UNC80: variants seen among roughly 807,000 people sequenced by gnomAD.
UNC80 encodes unc-80 subunit of NALCN channel complex.
A neutral mutation model predicts 384.6 loss-of-function variants in UNC80; 164 were observed. The observed-to-expected ratio is 0.43, with a 90% CI of 0.38 to 0.49. UNC80 has a LOEUF of 0.49. Ranked by LOEUF, UNC80 falls within the 20% of genes least tolerant of loss-of-function variation. UNC80 has a pLI of 0.00. For synonymous variants in UNC80, 1,486 were observed against 1,527.8 expected, an observed-to-expected ratio of 0.97 and a Z score of 0.64; for missense variants, 3,330 against 4,143.0, an observed-to-expected ratio of 0.80 and a Z score of 5.39.
intron 26 of UNC80, among the ~76,000 whole-genome samples, chr2:209,892,368 A>G (rs1559277659): frequency 3.3e-5 from 5 of 152,182 alleles, no homozygotes; most frequent in Non-Finnish European, 4.4e-5. Flanking sequence ...TGTCATGGAG[A>G]TAAAGGCTAA....
At chr2:209,928,895 T>C (rs1372311828) in intron 36 of UNC80, among the ~76,000 whole-genome samples, 1 of 152,178 alleles carries the variant, frequency 6.6e-6, no homozygotes, top group Non-Finnish European at 1.5e-5. Context: ...GATCAACTTA[T>C]TTAGCTTCTA....
rs1339392126 is a variant in UNC80 at position 209,903,495 on chromosome 2, T to TAC, written c.4582-1270_4582-1269insAC. Among the ~76,000 whole-genome samples the TAC allele has an allele frequency of 9.6e-3, 23 of 2,390 alleles. No homozygotes were observed. In the South Asian group the frequency reaches 0.16, roughly 16 times the overall value. The allele number at this position is 2,390 out of a possible 152,430, so 1.6% of individuals were successfully genotyped here. ...ATATAGTATATATGTAATATATATATTATATATAGTATATATGTAATATAT... is the reference window on the plus strand; with the variant it reads ...ATATAGTATATATGTAATATATATATACTATATATAGTATATATGTAATATAT... On this transcript the variant is annotated intron_variant, in intron 28 of 64. Coordinates refer to ENST00000673920, the MANE Select transcript of UNC80 (RefSeq NM_001371986.1).
rs567433367 is a variant in UNC80, at chr2:209,813,322, C to T, written c.939-258C>T. Among the ~76,000 whole-genome samples the T allele has an allele frequency of 3.3e-5, 5 of 152,306 alleles. No individual in the cohort carries two copies. The South Asian group carries it at 1.0e-3, about 32-fold the overall frequency. ...TCCCTCTGACAGAAATGCTAATCCT[C>T]CCTCCTGCCCAAACCTCAACTTTGC... is the stretch of plus-strand genomic sequence containing the variant. On this transcript the variant is annotated intron_variant, in intron 7 of 64. Transcript: ENST00000673920.
chr2:209,816,738 C>G (rs569627184), intron 9 of UNC80, among the ~76,000 whole-genome samples, 171 bp from the exon 10 acceptor site: 5 of 152,290 alleles, frequency 3.3e-5, no homozygotes, highest in Admixed American at 2.0e-4. Flanking sequence ...TTCTTTCACT[C>G]TTTTAATGTG....
rs575295315 is a variant in UNC80, at chr2:209,820,678, A to G, written c.2330A>G (p.Lys777Arg). 5 of 1,535,558 alleles carry G rather than the reference A, an allele frequency of 3.3e-6. No homozygotes were observed. The African/African-American group carries it at 4.1e-5, about 13-fold the overall frequency. The change falls in exon 13 of 65, where the codon AAG becomes AGG. Residue 777 changes from lysine to arginine, a missense_variant and splice_region_variant. This residue lies in a region of UNC80 where 937 missense variants were observed against 1,026.8 expected (regional missense o/e 0.91). Coordinates refer to ENST00000673920, the MANE Select transcript of UNC80 (RefSeq NM_001371986.1). ...PYEKNDKNQE[K>R]DESTPVSNHR... ...GAGAAGAATGATAAGAACCAAGAGAAGGTATGACTGAACCACCTTATGTGT... is the reference window on the plus strand; with the variant it reads ...GAGAAGAATGATAAGAACCAAGAGAGGGTATGACTGAACCACCTTATGTGT...
intron 47 of UNC80, among the ~76,000 whole-genome samples, chr2:209,953,624 A>G (rs2092290234): frequency 1.3e-5 from 2 of 152,080 alleles, no homozygotes; most frequent in Non-Finnish European, 1.5e-5. Context: ...GTCAGACTTC[A>G]TCATAATGGC....
chr2:209,872,877 A>T lies in UNC80; in HGVS notation c.3747A>T (p.Lys1249Asn). 6.4e-7 allele frequency: 1 copy of T among 1,551,498 alleles called. No individual in the cohort carries two copies. Among genetic ancestry groups the T allele is most frequent in the Non-Finnish European group, 8.7e-7 (1 of 1,146,868 alleles). ...GGCACCACGTGAACATCACCAAGAA[A>T]GGACTTTCCCGGGGACGCTCTCCCA... ...MKGHHVNITK[K>N]GLSRGRSPIV... Residue 1249 changes from lysine (K) to asparagine (N), a missense_variant, in exon 23 of 65, where the codon AAA becomes AAT. Transcript: ENST00000673920. This position sits in a 1 kb window ranked among gnomAD's most constrained non-coding sequence, Gnocchi z 4.1.
intron 23 of UNC80, among the ~76,000 whole-genome samples, chr2:209,874,610 C>G (rs1046705399): frequency 6.6e-6 from 1 of 152,336 alleles, no homozygotes; most frequent in East Asian, 1.9e-4. Context: ...GTGCCTAATT[C>G]TCTGTCTCCT....
intron 38 of UNC80, among the ~76,000 whole-genome samples, chr2:209,932,621 A>G (rs186952109): frequency 7.2e-5 from 11 of 152,320 alleles, no homozygotes; most frequent in Admixed American, 2.0e-4. Context: ...ATGCCCAGAT[A>G]GTTTTAAAAG....
intron 33 of UNC80, among the ~76,000 whole-genome samples, chr2:209,920,393 A>G (rs1390703116): frequency 6.6e-6 from 1 of 152,138 alleles, no homozygotes; most frequent in Non-Finnish European, 1.5e-5. Context: ...ATAGAGAAGA[A>G]CTCCAGTGAT....
chr2:209,860,484 T>C (rs138812761), intron 22 of UNC80, among the ~76,000 whole-genome samples: 1 of 152,350 alleles, frequency 6.6e-6, no homozygotes, highest in East Asian at 1.9e-4. Context: ...GGTAGCATGA[T>C]GCCTCCAGCT....
At position 209,829,252 on chromosome 2, in the gene UNC80, G is replaced by A. The variant is rs1382272364; in HGVS notation, c.2499G>A (p.Lys833=). 3 of 1,551,250 alleles carry A rather than the reference G, an allele frequency of 1.9e-6. No individual in the cohort carries two copies. The highest frequency in any genetic ancestry group is 1.7e-6 in the Non-Finnish European group (2 of 1,146,664). The change falls in exon 15 of 65, where the codon AAG becomes AAA. Residue 833 remains lysine, a synonymous_variant. Coordinates refer to ENST00000673920, the MANE Select transcript of UNC80 (RefSeq NM_001371986.1). ...FRENAQNCLT[K]LYKLDKMQFR... ...TGCAGGCCCAGAACTGCCTCACTAA[G>A]CTATACAAGCTAGATAAGATGCAGT... is the stretch of plus-strand genomic sequence containing the variant.
rs185985328 is a variant in UNC80, at chr2:209,842,676, G to T, written c.3454+230G>T. ...ATGATGGGCACTGGGTTTTCAAAGA[G>T]TAAGATCCAGCCTCTTCTGCTGTTC... On this transcript the variant is annotated intron_variant, in intron 21 of 64. Transcript: ENST00000673920. Among the ~76,000 whole-genome samples, 399 of 152,312 alleles carry T rather than the reference G, an allele frequency of 2.6e-3. 6 individuals are homozygous for T. The highest frequency in any genetic ancestry group is 1.2e-3 in the Non-Finnish European group (83 of 68,026).
chr2:209,925,433 A>G (rs2090355328), intron 35 of UNC80, among the ~76,000 whole-genome samples: 1 of 152,334 alleles, frequency 6.6e-6, no homozygotes, highest in South Asian at 2.1e-4. Context: ...GAGCAGCAGC[A>G]AGATTTATTG....
At chr2:209,903,846 C>G (rs1259261767) in intron 28 of UNC80, among the ~76,000 whole-genome samples, 1 of 151,498 alleles carries the variant, frequency 6.6e-6, no homozygotes, top group Non-Finnish European at 1.5e-5. Context: ...CTGCAATCAA[C>G]ATATTGGCCT....
At chr2:209,797,234 C>T (rs543140660) in intron 7 of UNC80, among the ~76,000 whole-genome samples, 3 of 152,140 alleles carry the variant, frequency 2.0e-5, no homozygotes, top group African/African-American at 7.2e-5. Context: ...AAATGAGACA[C>T]GTGCAGAACA....
intron 22 of UNC80, among the ~76,000 whole-genome samples, chr2:209,866,527 CACACACAG>C (rs1317005431): frequency 9.0e-4 from 82 of 90,974 alleles, no homozygotes; most frequent in East Asian, 2.8e-3. Context: ...CACACACACA[CACACACAG>C]AGAGAGAGAG....
chr2:209,918,061 T>A, intron 32 of UNC80, 103 bp downstream of exon 32: 1 of 1,106,322 alleles, frequency 9.0e-7, no homozygotes, highest in Non-Finnish European at 1.3e-6. Context: ...AAGATATTCT[T>A]CTTTTTTCTC....
rs1266326875 is a variant in UNC80, at chr2:209,819,112, A to G, written c.1813A>G (p.Ile605Val). Residue 605 changes from isoleucine to valine, a missense_variant, in exon 12 of 65, where the codon ATC (isoleucine) becomes GTC (valine). By Grantham distance (29) the Ile-to-Val change is conservative. This residue lies in a region of UNC80 where 937 missense variants were observed against 1,026.8 expected (regional missense o/e 0.91). Coordinates refer to ENST00000673920, the MANE Select transcript of UNC80 (RefSeq NM_001371986.1). ...GAGGAAACTCTGCAACCAGGTGCCT[A>G]TCCCGGAGATGCCACATGAACCTCT... ...HMRKLCNQVP[I>V]PEMPHEPLAC... 3 of 1,552,248 alleles carry G rather than the reference A, an allele frequency of 1.9e-6. No homozygotes were observed. The highest frequency in any genetic ancestry group is 2.4e-5 in the East Asian group (1 of 40,920).
Sources: gnomAD v4.1 joint callset for allele counts (sites outside exome capture counted in the v4.1 genomes callset) on GRCh38, gnomAD v4.1.1 for gene constraint, gnomAD v4.1.1 regional missense constraint, Gnocchi (gnomAD v3.1) non-coding constraint, MANE v1.5 for transcripts, NCBI Gene and HGNC (gene_info 2026-07-23, HGNC 2026-07-21) for gene names.